The following GALNT14 variants were observed in gnomAD, a reference collection of about 807,000 sequenced individuals.
GALNT14 encodes the protein polypeptide N-acetylgalactosaminyltransferase 14.
A neutral mutation model predicts 77.5 loss-of-function variants in GALNT14; 60 were observed. That is an observed-to-expected ratio of 0.77 (90% CI 0.63 to 0.96). The LOEUF (loss-of-function observed/expected upper bound fraction) is 0.96. Ranked by LOEUF, GALNT14 falls within the 40% of genes least tolerant of loss-of-function variation. The pLI, the probability that GALNT14 is intolerant of heterozygous loss-of-function variation, is 0.00. For synonymous variants in GALNT14, 280 were observed against 281.7 expected (o/e 0.99, Z 0.06); for missense variants, 710 against 731.0 (o/e 0.97, Z 0.33).
chr2:31,082,815 C>T (rs979134610), intron 1 of GALNT14, among the ~76,000 whole-genome samples: 6 of 152,014 alleles, frequency 3.9e-5, no homozygotes, highest in Admixed American at 2.6e-4. Flanking sequence ...GTCAAAAGAC[C>T]GAGACCATCC....
At chr2:30,937,678 C>G (rs1666137041) in intron 9 of GALNT14, among the ~76,000 whole-genome samples, 1 of 152,184 alleles carries the variant, frequency 6.6e-6, no homozygotes, top group Non-Finnish European at 1.5e-5. Context: ...CTTTTAAGGG[C>G]TCAAGTGTTT....
At chr2:31,064,993 C>G (rs2148549398) in intron 1 of GALNT14, 1 of 150,868 alleles carries the variant, frequency 6.6e-6, no homozygotes, top group African/African-American at 2.4e-5. Flanking sequence ...AGCGCTCACA[C>G]TTTCAGGCTG....
chr2:30,942,337 G>T, intron 8 of GALNT14, 33 bp from the exon 9 acceptor site: 1 of 1,500,694 alleles, frequency 6.7e-7, no homozygotes, highest in Non-Finnish European at 9.3e-7. Context: ...GAGGGGATCA[G>T]TTCTAGTGGG....
At position 31,124,806 on chromosome 2, in the gene GALNT14, T is replaced by C. The variant is rs1678621515; in HGVS notation, c.129+13152A>G. On this transcript the variant is annotated intron_variant, in intron 1 of 14. Transcript: ENST00000349752. The stretch of plus-strand genomic sequence containing the variant: ...CAGCCTGCCCACCTTGTGGGGTGGT[T>C]GTGAGGAATGAATAACTGATACAGA... Among the ~76,000 whole-genome samples the C allele has an allele frequency of 2.6e-5, 4 of 152,288 alleles. No individual in the cohort carries two copies. In the South Asian group the frequency reaches 8.3e-4, roughly 32 times the overall value.
chr2:30,960,018 A>C (rs1667589440), intron 3 of GALNT14, among the ~76,000 whole-genome samples: 1 of 152,204 alleles, frequency 6.6e-6, no homozygotes, highest in African/African-American at 2.4e-5. Flanking sequence ...TGCAGACTCT[A>C]CTGGAAGAGA....
intron 1 of GALNT14, among the ~76,000 whole-genome samples, chr2:31,031,711 C>G (rs551067161): frequency 3.9e-5 from 6 of 152,290 alleles, no homozygotes; most frequent in African/African-American, 1.4e-4. Flanking sequence ...TTTAAGTGCT[C>G]TGCCTAAGCC....
intron 1 of GALNT14, among the ~76,000 whole-genome samples, chr2:31,112,814 C>T (rs1677910450): frequency 6.6e-6 from 1 of 152,190 alleles, no homozygotes; most frequent in African/African-American, 2.4e-5. Flanking sequence ...TCACCAAGTC[C>T]TCCTTTCTCA....
chr2:31,133,095 T>C (rs562598811), intron 1 of GALNT14, among the ~76,000 whole-genome samples: 1 of 151,876 alleles, frequency 6.6e-6, no homozygotes, highest in East Asian at 1.9e-4. Context: ...CCTGGCCCCC[T>C]ACCCGCCAGA....
chr2:31,060,184 C>G (rs1483038499), intron 1 of GALNT14, among the ~76,000 whole-genome samples: 1 of 152,176 alleles, frequency 6.6e-6, no homozygotes, highest in African/African-American at 2.4e-5. Flanking sequence ...CCAGCCAGGA[C>G]CGGAACCAAG....
chr2:31,074,396 A>C (rs926914867), intron 1 of GALNT14, among the ~76,000 whole-genome samples: 3 of 123,146 alleles, frequency 2.4e-5, no homozygotes, highest in East Asian at 2.2e-4. Flanking sequence ...GCCCCCGTGC[A>C]TCTTTGGGGG....
intron 1 of GALNT14, among the ~76,000 whole-genome samples, chr2:31,060,676 A>C (rs1412692948): frequency 1.3e-5 from 2 of 152,186 alleles, no homozygotes; most frequent in Non-Finnish European, 2.9e-5. Context: ...GCCATGGTGC[A>C]GCTGGGGTGA....
intron 1 of GALNT14, chr2:31,132,807 G>C (rs1679054616): frequency 2.2e-6 from 1 of 458,492 alleles, no homozygotes; most frequent in Non-Finnish European, 4.5e-6. Flanking sequence ...TTAGCCATAA[G>C]ATTAAAAATG....
At position 30,924,223 on chromosome 2, in the gene GALNT14, G is replaced by C. The variant is rs760329260; in HGVS notation, c.1276C>G (p.Gln426Glu). 15 of 1,614,214 alleles carry C rather than the reference G, an allele frequency of 9.3e-6. No individual in the cohort carries two copies. The highest frequency in any genetic ancestry group is 1.3e-5 in the Non-Finnish European group (15 of 1,180,046). The stretch of plus-strand genomic sequence containing the variant: ...TGAGATTCCAGGCACTTCTGTCTCT[G>C]TCGGATATTGCCCTTCTGGATGGAG... Reference protein sequence around the residue: ...ESSIQKGNIRQRQKCLESQRQ... With the variant: ...ESSIQKGNIRERQKCLESQRQ... Residue 426 changes from glutamine (Q) to glutamate (E), a missense_variant, in exon 13 of 15, where the codon CAG becomes GAG. Transcript: ENST00000349752.
intron 13 of GALNT14, among the ~76,000 whole-genome samples, chr2:30,913,154 C>G (rs1250592059): frequency 2.1e-5 from 3 of 143,798 alleles, no homozygotes; most frequent in Non-Finnish European, 3.1e-5. Context: ...CAAGCACTTC[C>G]CAGTTCTTAA....
At chr2:30,949,233 G>A (rs962617945) in intron 6 of GALNT14, among the ~76,000 whole-genome samples, 2 of 152,118 alleles carry the variant, frequency 1.3e-5, no homozygotes, top group African/African-American at 2.4e-5. Flanking sequence ...AAAGCCTGGT[G>A]GGCAGCAGGT....
At chr2:30,944,818 T>C (rs1200259220) in intron 8 of GALNT14, 40 bp downstream of exon 8, 2 of 1,471,264 alleles carry the variant, frequency 1.4e-6, no homozygotes, top group Non-Finnish European at 1.9e-6. Context: ...GATCCAGTGG[T>C]GATGGTCTGC....
the GALNT14 span, among the ~76,000 whole-genome samples, chr2:30,900,663 A>G: frequency 3.9e-5 from 6 of 152,218 alleles, no homozygotes; most frequent in Non-Finnish European, 1.5e-5. Context: ...CCACATATAT[A>G]AATATTGGAT....
At chr2:30,988,321 T>C (rs887350290) in intron 2 of GALNT14, among the ~76,000 whole-genome samples, 5 of 152,206 alleles carry the variant, frequency 3.3e-5, no homozygotes, top group African/African-American at 4.8e-5. Context: ...GCAAAGACTG[T>C]ATCAATATGA....
chr2:30,950,441 TC>T (rs920408603), intron 6 of GALNT14, among the ~76,000 whole-genome samples: 1 of 152,124 alleles, frequency 6.6e-6, no homozygotes, highest in Admixed American at 6.6e-5. Flanking sequence ...TTTTTGAAAA[TC>T]CCAAACTCCA....
Sources: gnomAD v4.1 joint callset for allele counts (sites outside exome capture counted in the v4.1 genomes callset) on GRCh38, gnomAD v4.1.1 for gene constraint, MANE v1.5 for transcripts, NCBI Gene and HGNC (gene_info 2026-07-23, HGNC 2026-07-21) for gene names.